DSCAML1: variants seen among roughly 807,000 people sequenced by gnomAD.
DSCAML1 encodes cell adhesion molecule DSCAML1.
A neutral mutation model predicts 200.5 loss-of-function variants in DSCAML1; 38 were observed. The observed-to-expected ratio is 0.19, with a 90% CI of 0.15 to 0.25. DSCAML1 has a LOEUF of 0.25. Ranked by LOEUF, DSCAML1 falls within the 10% of genes least tolerant of loss-of-function variation. The pLI is 1.00. For missense variants in DSCAML1, 2,223 were observed against 2,858.8 expected, an observed-to-expected ratio of 0.78 and a Z score of 5.07; for synonymous variants, 1,215 against 1,165.0, an observed-to-expected ratio of 1.04 and a Z score of -0.87.
intron 3 of DSCAML1, among the ~76,000 whole-genome samples, chr11:117,750,486 G>A (rs1006217462): frequency 6.6e-6 from 1 of 152,228 alleles, no homozygotes; most frequent in Admixed American, 6.5e-5. Context: ...GCAGGCACAT[G>A]TGTTGGGCAG....
upstream of DSCAML1, chr11:117,797,234 C>G: frequency 6.8e-7 from 1 of 1,463,500 alleles, no homozygotes; most frequent in Non-Finnish European, 9.0e-7. Context: ...CGGCTCCTCC[C>G]TCCTCGGCTC....
At chr11:117,536,118 C>T (rs1053785480) in intron 3 of DSCAML1, among the ~76,000 whole-genome samples, 3 of 152,120 alleles carry the variant, frequency 2.0e-5, no homozygotes, top group Admixed American at 6.5e-5. Context: ...GGATGCACAG[C>T]GCGAGAGGGG....
In DSCAML1 at chr11:117,780,304, G is replaced by GAAAGAAAGAAAGAAAGAAAAAGAA. The variant is rs71037499; in HGVS notation, c.364+188_364+189insTTCTTTTTCTTTCTTTCTTTCTTT. Among the ~76,000 whole-genome samples the GAAAGAAAGAAAGAAAGAAAAAGAA allele has an allele frequency of 3.0e-5, 3 of 98,438 alleles. No homozygotes were observed. The highest frequency in any genetic ancestry group is 2.1e-4 in the Admixed American group (2 of 9,690). 64.6% of individuals were successfully genotyped at this position (98,438 alleles called of 152,430 possible). A position where few individuals can be genotyped will look rare whatever the true frequency, so the allele number is the denominator to read the frequency against. ...AGAAAGAAAGAAAGAAAGAAAGAAAGAGAGAAAGGAGAAAGAAAGGTGTCT... is the reference window on the plus strand; with the variant it reads ...AGAAAGAAAGAAAGAAAGAAAGAAAGAAAGAAAGAAAGAAAGAAAAAGAAAGAGAAAGGAGAAAGAAAGGTGTCT... On this transcript the variant is annotated intron_variant, in intron 2 of 32. Transcript: ENST00000651296. The surrounding 1 kb of genome is among the most constrained non-coding windows in gnomAD (Gnocchi z 4.8).
At chr11:117,712,213 A>G (rs2053861276) in intron 3 of DSCAML1, among the ~76,000 whole-genome samples, 1 of 152,168 alleles carries the variant, frequency 6.6e-6, no homozygotes, top group Non-Finnish European at 1.5e-5. Context: ...TAGGCTCCTG[A>G]CTGGCAGGCC....
At chr11:117,488,858 C>G (rs1353483497) in intron 11 of DSCAML1, among the ~76,000 whole-genome samples, 2 of 152,344 alleles carry the variant, frequency 1.3e-5, no homozygotes, top group East Asian at 1.9e-4. Flanking sequence ...ATGAACTCAT[C>G]TGAGGTAGGC....
intron 3 of DSCAML1, among the ~76,000 whole-genome samples, chr11:117,769,549 TATA>T (rs369961468): frequency 0.2 from 554 of 2,720 alleles, 70 homozygotes; most frequent in Admixed American, 0.44. Flanking sequence ...TTATATATTT[TATA>T]TATATATTTT....
rs556117037 is a variant in DSCAML1, at chr11:117,744,796, C to A, written c.511+31995G>T. Among the ~76,000 whole-genome samples the A allele has an allele frequency of 6.6e-5, 10 of 152,352 alleles. No individual in the cohort carries two copies. In the South Asian group the frequency reaches 2.1e-3, roughly 32 times the overall value. On this transcript the variant is annotated intron_variant, in intron 3 of 32. Transcript: ENST00000651296. ...AGACCTGGAGACCCACGGGAGACCA[C>A]AGGGGGCACAGAAGGTTCCCAAAAC...
intron 3 of DSCAML1, among the ~76,000 whole-genome samples, chr11:117,539,817 C>CTATGA (rs1384162543): frequency 6.6e-6 from 1 of 152,112 alleles, no homozygotes; most frequent in Admixed American, 6.5e-5. Context: ...GAGATATTTG[C>CTATGA]ACACCCAAGT....
intron 3 of DSCAML1, among the ~76,000 whole-genome samples, chr11:117,535,000 C>T (rs1399914020): frequency 6.6e-6 from 1 of 152,202 alleles, no homozygotes; most frequent in Admixed American, 6.5e-5. Flanking sequence ...AATTGCCCCT[C>T]CCTCCCTCCT....
chr11:117,666,816 C>T (rs145920105), intron 3 of DSCAML1, among the ~76,000 whole-genome samples: 1,810 of 152,336 alleles, frequency 0.012, 39 homozygotes, highest in African/African-American at 0.041. Flanking sequence ...ATGCCTCTGC[C>T]TCTCTCAGGG....
chr11:117,816,620 G>A (rs904712149), intron 1 of DSCAML1, among the ~76,000 whole-genome samples: 1 of 152,138 alleles, frequency 6.6e-6, no homozygotes, highest in East Asian at 1.9e-4. Flanking sequence ...GGGAGGAGAC[G>A]CTACACCACC....
intron 3 of DSCAML1, among the ~76,000 whole-genome samples, chr11:117,583,140 C>G (rs2051074886): frequency 6.6e-6 from 1 of 151,896 alleles, no homozygotes; most frequent in African/African-American, 2.4e-5. Flanking sequence ...TGGCCTTTCC[C>G]CTCCGCATGC....
chr11:117,752,957 C>T (rs967572617), intron 3 of DSCAML1, among the ~76,000 whole-genome samples: 16 of 152,160 alleles, frequency 1.1e-4, no homozygotes, highest in Non-Finnish European at 7.3e-5. Context: ...CCATGGCTGT[C>T]CCAGGGGAGC....
chr11:117,496,196 C>A (rs756694343), intron 11 of DSCAML1, among the ~76,000 whole-genome samples: 15 of 152,206 alleles, frequency 9.9e-5, no homozygotes, highest in Non-Finnish European at 1.8e-4. Context: ...TGTCTTGTTT[C>A]CTGAAGGTCA....
At chr11:117,445,363 C>T (rs1322554157) in intron 20 of DSCAML1, among the ~76,000 whole-genome samples, 1 of 152,188 alleles carries the variant, frequency 6.6e-6, no homozygotes, top group African/African-American at 2.4e-5. Flanking sequence ...ACCCTTGAGC[C>T]CTGGTGGTTG....
At chr11:117,486,337 GGCGGATGTGATAA>G in intron 11 of DSCAML1, among the ~76,000 whole-genome samples, 11 of 151,332 alleles carry the variant, frequency 7.3e-5, no homozygotes, top group African/African-American at 1.5e-4. Flanking sequence ...ATGTGAAAAT[GGCGGATGTGATAA>G]TGGCGGATGT....
chr11:117,717,989 C>T (rs1356920687), intron 3 of DSCAML1, among the ~76,000 whole-genome samples: 1 of 152,174 alleles, frequency 6.6e-6, no homozygotes, highest in Non-Finnish European at 1.5e-5. Context: ...AAACAACACC[C>T]AGGTGAGGCG....
chr11:117,777,733 C>T (rs2055155607), intron 2 of DSCAML1, among the ~76,000 whole-genome samples: 1 of 152,142 alleles, frequency 6.6e-6, no homozygotes. Context: ...CCCACCGTGC[C>T]CACCTCCTGC....
chr11:117,470,452 G>A (rs992077786), intron 15 of DSCAML1, among the ~76,000 whole-genome samples: 1 of 152,224 alleles, frequency 6.6e-6, no homozygotes, highest in Non-Finnish European at 1.5e-5. Flanking sequence ...GCGGGCGCCT[G>A]TAGTCCCAGC....
Sources: gnomAD v4.1 joint callset for allele counts (sites outside exome capture counted in the v4.1 genomes callset) on GRCh38, gnomAD v4.1.1 for gene constraint, Gnocchi (gnomAD v3.1) non-coding constraint, MANE v1.5 for transcripts, NCBI Gene and HGNC (gene_info 2026-07-23, HGNC 2026-07-21) for gene names.